VDR: variants seen among roughly 807,000 people sequenced by gnomAD.
VDR encodes vitamin D3 receptor.
A neutral mutation model predicts 39.7 loss-of-function variants in VDR; 19 were observed. The ratio of observed to expected loss-of-function variants is 0.48; its 90% CI spans 0.33 to 0.70. The LOEUF is 0.70. Ranked by LOEUF, VDR falls within the 30% of genes least tolerant of loss-of-function variation. VDR has a pLI of 0.02. For synonymous variants in VDR, 242 were observed against 215.8 expected, an observed-to-expected ratio of 1.12 and a Z score of -1.07; for missense variants, 442 against 570.5, an observed-to-expected ratio of 0.77 and a Z score of 2.29.
chr12:47,889,755 G>A (rs1946329775), intron 1 of VDR, among the ~76,000 whole-genome samples: 1 of 152,240 alleles, frequency 6.6e-6, no homozygotes, highest in Non-Finnish European at 1.5e-5. Context: ...TCTTTGGGGA[G>A]ACCCAAACTA....
chr12:47,904,455 A>G, intron 1 of VDR: 1 of 902,000 alleles, frequency 1.1e-6, no homozygotes, highest in East Asian at 2.9e-5. Flanking sequence ...GGTAGTTCAA[A>G]GAAAAGTAAA....
intron 2 of VDR, among the ~76,000 whole-genome samples, 198 bp from the exon 3 acceptor site, chr12:47,879,313 A>T (rs978727176): frequency 6.6e-6 from 1 of 151,350 alleles, no homozygotes; most frequent in Non-Finnish European, 1.5e-5. Context: ...GATTCGCCCT[A>T]CATAGCTGGC....
chr12:47,851,970 C>T (rs752953213), intron 7 of VDR, among the ~76,000 whole-genome samples: 3 of 152,146 alleles, frequency 2.0e-5, no homozygotes, highest in South Asian at 2.1e-4. Context: ...AGGAAGAGGG[C>T]AGACTTCAAC....
chr12:47,885,401 C>G (rs994508870), intron 1 of VDR, among the ~76,000 whole-genome samples: 9 of 152,254 alleles, frequency 5.9e-5, no homozygotes, highest in African/African-American at 2.2e-4. Flanking sequence ...CAGCCCACAC[C>G]ACAGGCGGCC....
intron 9 of VDR, 36 bp from the exon 10 acceptor site, chr12:47,845,041 C>G: frequency 6.2e-7 from 1 of 1,605,026 alleles, no homozygotes; most frequent in Non-Finnish European, 8.5e-7. Context: ...GGCACAGGAG[C>G]TCTCAGCTGG....
intron 1 of VDR, chr12:47,901,671 C>T (rs1345587661): frequency 6.5e-6 from 1 of 153,008 alleles, no homozygotes; most frequent in African/African-American, 2.4e-5. Context: ...ATAGTGTGGT[C>T]CCCAGAGGTC....
chr12:47,844,785 C>T lies in VDR; in HGVS notation c.1245G>A (p.Thr415=), dbSNP rs781372447. ...SFQPECSMKL[T]PLVLEVFGNE... Reference sequence around the variant, plus strand: ...TGCCAAACACTTCGAGCACAAGGGGCGTTAGCTTCATGCTGCACTCAGGCT... The same window carrying T: ...TGCCAAACACTTCGAGCACAAGGGGTGTTAGCTTCATGCTGCACTCAGGCT... Residue 415 remains threonine (T), a synonymous_variant, in exon 10 of 10, where the codon ACG becomes ACA. Transcript: ENST00000549336. 5.0e-6 allele frequency: 8 copies of T among 1,614,112 alleles called. No individual in the cohort carries two copies. Among genetic ancestry groups the T allele is most frequent in the Non-Finnish European group, 5.1e-6 (6 of 1,179,996 alleles).
chr12:47,859,923 T>TCCTTCCTTC (rs1945587994), intron 4 of VDR, among the ~76,000 whole-genome samples: 13 of 50,980 alleles, frequency 2.6e-4, no homozygotes, highest in African/African-American at 6.4e-4. Context: ...CCTTCTTTCT[T>TCCTTCCTTC]TTTCTTTCTT....
rs1307749243 is a variant in VDR at position 47,895,284 on chromosome 12, C to CT, written c.-84+9670dup. On this transcript the variant is annotated intron_variant, in intron 1 of 9. Transcript: ENST00000549336. ...ACCAAGCCCATCCCCAAACTTTCTC[C>CT]TTTTTTTTGTGCCTTAAGACCCTAT... Among the ~76,000 whole-genome samples the CT allele has an allele frequency of 1.0e-3, 152 of 152,112 alleles. 1 individual carries two copies. Among genetic ancestry groups the CT allele is most frequent in the Admixed American group, 9.8e-3 (150 of 15,284 alleles).
intron 1 of VDR, among the ~76,000 whole-genome samples, chr12:47,903,959 C>A (rs1263308412): frequency 6.6e-6 from 1 of 152,130 alleles, no homozygotes; most frequent in African/African-American, 2.4e-5. Flanking sequence ...TGGAGCAGAG[C>A]TGAACTCTGC....
intron 1 of VDR, among the ~76,000 whole-genome samples, chr12:47,886,408 T>C (rs986598284): frequency 2.0e-5 from 3 of 152,242 alleles, no homozygotes; most frequent in Non-Finnish European, 4.4e-5. Flanking sequence ...GCTAAGGTGA[T>C]ACCCTCTCTT....
At chr12:47,860,573 T>C (rs1945608061) in intron 4 of VDR, among the ~76,000 whole-genome samples, 1 of 152,250 alleles carries the variant, frequency 6.6e-6, no homozygotes, top group South Asian at 2.1e-4. Context: ...TTTAACGTCA[T>C]ATAACCTTTC....
intron 4 of VDR, among the ~76,000 whole-genome samples, chr12:47,858,990 A>C (rs1204349713): frequency 6.6e-6 from 1 of 152,166 alleles, no homozygotes; most frequent in African/African-American, 2.4e-5. Flanking sequence ...GGAGCCTGGG[A>C]GTAGACCACA....
chr12:47,880,956 A>C (rs976376796), intron 2 of VDR, among the ~76,000 whole-genome samples: 1 of 149,346 alleles, frequency 6.7e-6, no homozygotes, highest in East Asian at 1.9e-4. Flanking sequence ...AAGTTTAGCA[A>C]GTATAAATAT....
chr12:47,902,693 C>A (rs551473605), intron 1 of VDR, among the ~76,000 whole-genome samples: 1 of 152,342 alleles, frequency 6.6e-6, no homozygotes, highest in Non-Finnish European at 1.5e-5. Context: ...GACCTGACTG[C>A]TGCACAGGCA....
intron 9 of VDR, among the ~76,000 whole-genome samples, chr12:47,845,793 C>T (rs1348485706): frequency 6.6e-6 from 1 of 152,222 alleles, no homozygotes; most frequent in African/African-American, 2.4e-5. Flanking sequence ...CAGGGCCGCC[C>T]CTCTTTGGAC....
At chr12:47,892,392 C>T (rs538845064) in intron 1 of VDR, among the ~76,000 whole-genome samples, 44 of 152,350 alleles carry the variant, frequency 2.9e-4, no homozygotes, top group South Asian at 4.1e-4. Flanking sequence ...AAGGTGACAT[C>T]GGCTGCTCCT....
chr12:47,857,357 G>T, intron 5 of VDR, 108 bp from the exon 6 acceptor site: 2 of 1,604,812 alleles, frequency 1.2e-6, no homozygotes, highest in Non-Finnish European at 1.7e-6. Flanking sequence ...GGAAGGCGAA[G>T]CCTCCCAGTG....
chr12:47,859,325 C>A (rs889456821), intron 4 of VDR, among the ~76,000 whole-genome samples: 2 of 152,182 alleles, frequency 1.3e-5, no homozygotes, highest in Non-Finnish European at 2.9e-5. Flanking sequence ...TTCTCGGCCC[C>A]TACTGATGAC....
Sources: allele counts gnomAD v4.1 joint callset (sites outside exome capture counted in the v4.1 genomes callset), GRCh38; gene constraint gnomAD v4.1.1; transcripts MANE v1.5; gene names NCBI Gene and HGNC (gene_info 2026-07-23, HGNC 2026-07-21).